KCNK2: variants seen among roughly 807,000 people sequenced by gnomAD.
KCNK2 encodes the protein potassium channel subfamily K member 2.
A neutral mutation model predicts 40.5 loss-of-function variants in KCNK2; 21 were observed. The ratio of observed to expected loss-of-function variants is 0.52; its 90% CI spans 0.37 to 0.75. KCNK2 has a LOEUF of 0.75. Among genes scored for constraint, KCNK2 ranks in the 30% least tolerant of loss-of-function variants. The pLI is 0.00. For synonymous variants in KCNK2, 191 were observed against 202.2 expected (o/e 0.94, Z 0.47); for missense variants, 399 against 531.6 (o/e 0.75, Z 2.45).
intron 1 of KCNK2, among the ~76,000 whole-genome samples, chr1:215,014,194 A>G (rs1476101472): frequency 2.0e-5 from 3 of 152,058 alleles, no homozygotes; most frequent in African/African-American, 4.8e-5. Flanking sequence ...ATCGTTTGTT[A>G]GCATGGTGAA....
In KCNK2 at chr1:215,235,155, T is replaced by G. The variant is rs1001513358; in HGVS notation, c.*10T>G. The G allele has an allele frequency of 1.3e-6, 2 of 1,587,502 alleles. No individual in the cohort carries two copies. Among genetic ancestry groups the G allele is most frequent in the Non-Finnish European group, 1.7e-6 (2 of 1,160,688 alleles). ...TGAGAACATCAAATAGCCCTCTCTTTAAATAACCTTAGGCATAGCCATAGG... is the reference window on the plus strand; with the variant it reads ...TGAGAACATCAAATAGCCCTCTCTTGAAATAACCTTAGGCATAGCCATAGG... On this transcript the variant is annotated 3_prime_UTR_variant, in exon 7 of 7. Coordinates refer to ENST00000444842, the MANE Select transcript of KCNK2 (RefSeq NM_001017425.3).
intron 1 of KCNK2, among the ~76,000 whole-genome samples, chr1:215,041,373 C>T (rs12026832): frequency 0.27 from 40,725 of 152,080 alleles, 6,535 homozygotes; most frequent in South Asian, 0.66. Flanking sequence ...TATGTGCTAA[C>T]CCATAGTTAG....
chr1:215,053,865 G>A (rs1457641089), intron 1 of KCNK2, among the ~76,000 whole-genome samples: 1 of 152,306 alleles, frequency 6.6e-6, no homozygotes, highest in East Asian at 1.9e-4. Context: ...TACTCGGGAG[G>A]CTGAGGCAGG....
chr1:215,026,329 T>G (rs1416106296), intron 1 of KCNK2, among the ~76,000 whole-genome samples: 1 of 152,074 alleles, frequency 6.6e-6, no homozygotes. Context: ...TAGTATCTTC[T>G]GCTACACAAG....
chr1:215,083,204 G>GTCCCGC lies in KCNK2; in HGVS notation c.-182_-181insTCCCGC. On this transcript the variant is annotated 5_prime_UTR_variant, in exon 1 of 7. Coordinates refer to ENST00000444842, the MANE Select transcript of KCNK2 (RefSeq NM_001017425.3). ...CGTTTCTTCTCACGCTCCCCCCCCCGCCCCCTCCCGCGTCCAGCCCCGCTC... is the reference window on the plus strand; with the variant it reads ...CGTTTCTTCTCACGCTCCCCCCCCCGTCCCGCCCCCCTCCCGCGTCCAGCCCCGCTC... 3.7e-6 allele frequency: 1 copy of GTCCCGC among 273,548 alleles called. No individual in the cohort carries two copies. Among genetic ancestry groups the GTCCCGC allele is most frequent in the Admixed American group, 4.8e-5 (1 of 20,862 alleles). The allele number at this position is 273,548 out of a possible 1,614,324, so 16.9% of individuals were successfully genotyped here.
intron 1 of KCNK2, among the ~76,000 whole-genome samples, chr1:215,031,173 A>C (rs1657176579): frequency 6.6e-6 from 1 of 152,148 alleles, no homozygotes; most frequent in Admixed American, 6.5e-5. Flanking sequence ...AGGGATTATC[A>C]GTCCTCTGAC....
intron 3 of KCNK2, among the ~76,000 whole-genome samples, chr1:215,135,135 T>C (rs1293089463): frequency 6.6e-6 from 1 of 152,162 alleles, no homozygotes. Flanking sequence ...TGATGCAGAC[T>C]AGTTTTGCTT....
chr1:215,103,731 G>A (rs1377234231), intron 2 of KCNK2, among the ~76,000 whole-genome samples: 3 of 151,974 alleles, frequency 2.0e-5, no homozygotes, highest in Admixed American at 6.6e-5. Context: ...CAGCTGTACT[G>A]TGCTATTATG....
intron 5 of KCNK2, among the ~76,000 whole-genome samples, chr1:215,175,533 G>A (rs1036438965): frequency 6.6e-6 from 1 of 151,520 alleles, no homozygotes; most frequent in Non-Finnish European, 1.5e-5. Context: ...TGGTGTATGT[G>A]CAGGTTTGTT....
chr1:215,089,945 G>A (rs1157796970), intron 2 of KCNK2, among the ~76,000 whole-genome samples: 2 of 151,314 alleles, frequency 1.3e-5, no homozygotes, highest in Non-Finnish European at 2.9e-5. Flanking sequence ...TCCTACCTCA[G>A]CCTCCTGAGT....
intron 3 of KCNK2, among the ~76,000 whole-genome samples, chr1:215,140,945 A>G: frequency 6.6e-6 from 1 of 152,242 alleles, no homozygotes; most frequent in South Asian, 2.1e-4. Flanking sequence ...CTGTACAAAA[A>G]TATTTTATTT....
intron 1 of KCNK2, among the ~76,000 whole-genome samples, chr1:215,020,262 G>A (rs182425386): frequency 1.3e-5 from 2 of 152,254 alleles, no homozygotes; most frequent in South Asian, 2.1e-4. Context: ...CTTAAAAATA[G>A]TATTAATAAT....
intron 3 of KCNK2, among the ~76,000 whole-genome samples, chr1:215,150,231 G>C (rs921339813): frequency 6.6e-6 from 1 of 152,166 alleles, no homozygotes; most frequent in South Asian, 2.1e-4. Context: ...AGGGGGCATG[G>C]GAGAATGTGC....
At chr1:215,019,199 G>A (rs1656701062) in intron 1 of KCNK2, among the ~76,000 whole-genome samples, 1 of 152,136 alleles carries the variant, frequency 6.6e-6, no homozygotes, top group Non-Finnish European at 1.5e-5. Flanking sequence ...AAGAACAGCT[G>A]TCTAGTAGAG....
At chr1:215,052,466 T>C (rs761425245) in intron 1 of KCNK2, among the ~76,000 whole-genome samples, 4 of 152,176 alleles carry the variant, frequency 2.6e-5, no homozygotes, top group Non-Finnish European at 5.9e-5. Flanking sequence ...AGATTCAGGA[T>C]AAACATTGGA....
At chr1:215,156,021 A>ATG (rs1023855717) in intron 3 of KCNK2, among the ~76,000 whole-genome samples, 1 of 151,494 alleles carries the variant, frequency 6.6e-6, no homozygotes, top group Non-Finnish European at 1.5e-5. Context: ...ATGAAAAATT[A>ATG]TGTGTGTGTG....
rs1387129809 is a variant in KCNK2 at position 215,172,145 on chromosome 1, T to C, written c.785T>C (p.Ile262Thr). 1 of 1,613,444 alleles carries C rather than the reference T, an allele frequency of 6.2e-7. No individual in the cohort carries two copies. Among genetic ancestry groups the C allele is most frequent in the Non-Finnish European group, 8.5e-7 (1 of 1,179,654 alleles). The change falls in exon 5 of 7, where the codon ATC becomes ACC. Residue 262 changes from isoleucine to threonine, a missense_variant. Physicochemically the swap from Ile to Thr is moderately conservative, Grantham distance 89. Around this residue, in one of 3 missense-constraint regions of KCNK2, gnomAD observed 279 missense variants for 353.8 expected, o/e 0.79. Transcript: ENST00000444842. Reference sequence around the variant, plus strand: ...CTGGACGCCATTTATTTTGTGGTTATCACTCTAACAACTATTGGATTTGGT... The same window carrying C: ...CTGGACGCCATTTATTTTGTGGTTACCACTCTAACAACTATTGGATTTGGT... Reference protein sequence around the residue: ...SALDAIYFVVITLTTIGFGDY... With the variant: ...SALDAIYFVVTTLTTIGFGDY...
intron 6 of KCNK2, among the ~76,000 whole-genome samples, chr1:215,222,233 T>C (rs1259605271): frequency 2.0e-5 from 3 of 148,558 alleles, no homozygotes; most frequent in Non-Finnish European, 4.4e-5. Context: ...TGGGGACAAC[T>C]ATCCAAACTA....
chr1:215,182,070 C>T (rs1468740207), intron 5 of KCNK2, among the ~76,000 whole-genome samples: 2 of 152,180 alleles, frequency 1.3e-5, no homozygotes, highest in Non-Finnish European at 2.9e-5. Context: ...AGTAGTTGCT[C>T]CAGATGCCTG....
Sources: allele counts gnomAD v4.1 joint callset (sites outside exome capture counted in the v4.1 genomes callset), GRCh38; gene constraint gnomAD v4.1.1; regional missense constraint gnomAD v4.1.1; transcripts MANE v1.5; gene names NCBI Gene and HGNC (gene_info 2026-07-23, HGNC 2026-07-21).